The following ZNF488 variants were observed in gnomAD, a reference collection of about 807,000 sequenced individuals.
ZNF488 encodes zinc finger protein 488.
A neutral mutation model predicts 1.2 loss-of-function variants in ZNF488; 1 was observed. The observed-to-expected ratio is 0.86, with a 90% CI of 0.30 to 4.07. The LOEUF (loss-of-function observed/expected upper bound fraction) is 4.07. Ranked by LOEUF, ZNF488 falls within the 30% of genes most tolerant of loss-of-function variation. The pLI is 0.18. For missense variants in ZNF488, 450 were observed against 437.9 expected (o/e 1.03, Z -0.25); for synonymous variants, 185 against 190.1 (o/e 0.97, Z 0.22).
intron 1 of ZNF488, among the ~76,000 whole-genome samples, chr10:47,378,823 A>C (rs1555214724): frequency 6.6e-6 from 1 of 152,186 alleles, no homozygotes; most frequent in East Asian, 1.9e-4. Context: ...GACTTCATGA[A>C]GAGGACGCAA....
Position 47,377,600 on chromosome 10 carries a change from T to TCA in ZNF488, c.-109+6618_-109+6619dup, listed in dbSNP as rs66911760. Among the ~76,000 whole-genome samples, 1,091 of 114,744 alleles carry TCA rather than the reference T, an allele frequency of 9.5e-3. 11 individuals are homozygous for TCA. Among genetic ancestry groups the TCA allele is most frequent in the Middle Eastern group, 0.019 (4 of 214 alleles). The allele number at this position is 114,744 out of a possible 152,430, so 75.3% of individuals were successfully genotyped here. ...CCCAGAGATGCCGGCAATAACAATC[T>TCA]CACACACACACACACACACACACAC... On this transcript the variant is annotated intron_variant, in intron 1 of 1. Coordinates refer to ENST00000585316, the MANE Select transcript of ZNF488 (RefSeq NM_153034.4).
chr10:47,369,711 C>T (rs782527523), intron 1 of ZNF488, among the ~76,000 whole-genome samples: 1 of 152,154 alleles, frequency 6.6e-6, no homozygotes, highest in Non-Finnish European at 1.5e-5. Context: ...TCATTCCCAT[C>T]GTACCTGTGA....
rs1837298807 is a variant in ZNF488 at position 47,368,175 on chromosome 10, T to C, written c.655A>G (p.Asn219Asp). The change falls in exon 2 of 2, where the codon AAC becomes GAC. Residue 219 changes from asparagine to aspartate, a missense_variant. Physicochemically the swap from Asn to Asp is conservative, Grantham distance 23. Transcript: ENST00000585316. Reference protein sequence around the residue: ...TPKLLVGDLWNLQALPQNAPL... With the variant: ...TPKLLVGDLWDLQALPQNAPL... ...GCATTCTGTGGCAATGCTTGCAAGT[T>C]CCACAAATCACCAACCAAAAGCTTG... The C allele has an allele frequency of 1.2e-6, 2 of 1,614,008 alleles. No individual in the cohort carries two copies. Among genetic ancestry groups the C allele is most frequent in the Non-Finnish European group, 1.7e-6 (2 of 1,180,026 alleles).
intron 1 of ZNF488, among the ~76,000 whole-genome samples, chr10:47,372,353 G>A (rs1171471787): frequency 2.0e-5 from 3 of 152,152 alleles, no homozygotes; most frequent in Non-Finnish European, 2.9e-5. Context: ...TGAAATGTGG[G>A]GACAAAGAGC....
chr10:47,379,274 T>G (rs1026172612), intron 1 of ZNF488, among the ~76,000 whole-genome samples: 27 of 152,342 alleles, frequency 1.8e-4, no homozygotes, highest in African/African-American at 5.3e-4. Context: ...GCTATGTGTC[T>G]CAATTCAGAT....
At chr10:47,376,877 T>C (rs1444859256) in intron 1 of ZNF488, among the ~76,000 whole-genome samples, 2 of 152,236 alleles carry the variant, frequency 1.3e-5, no homozygotes, top group Admixed American at 6.5e-5. Context: ...TCTACCCTTG[T>C]GTGCAGACTT....
Position 47,368,289 on chromosome 10 carries a change from G to T in ZNF488, c.541C>A (p.Pro181Thr), listed in dbSNP as rs1555213210. Residue 181 changes from proline to threonine, a missense_variant, in exon 2 of 2, where the codon CCT (proline) becomes ACT (threonine). Physicochemically the swap from Pro to Thr is conservative, Grantham distance 38. Transcript: ENST00000585316. ...AERPELTSVF[P>T]AGESADALGE... Reference sequence around the variant, plus strand: ...AGGGCATCTGCAGATTCCCCTGCAGGGAAGACTGAGGTTAGCTCAGGCCTC... The same window carrying T: ...AGGGCATCTGCAGATTCCCCTGCAGTGAAGACTGAGGTTAGCTCAGGCCTC... 3 of 1,614,088 alleles carry T rather than the reference G, an allele frequency of 1.9e-6. No individual in the cohort carries two copies. Among genetic ancestry groups the T allele is most frequent in the Admixed American group, 1.7e-5 (1 of 60,014 alleles).
chr10:47,383,557 A>G (rs917599657), intron 1 of ZNF488, among the ~76,000 whole-genome samples: 12 of 152,372 alleles, frequency 7.9e-5, no homozygotes, highest in African/African-American at 2.2e-4. Flanking sequence ...AAAGGATTCA[A>G]TCAACCCCTT....
chr10:47,371,825 C>T (rs1837479993), intron 1 of ZNF488, among the ~76,000 whole-genome samples: 1 of 152,026 alleles, frequency 6.6e-6, no homozygotes. Flanking sequence ...GAGTCCTAGC[C>T]CCCACGCTGG....
intron 1 of ZNF488, among the ~76,000 whole-genome samples, chr10:47,370,724 G>C (rs1171451106): frequency 6.6e-6 from 1 of 152,186 alleles, no homozygotes; most frequent in Non-Finnish European, 1.5e-5. Context: ...GTGCAGCCTC[G>C]GACAGTGATG....
chr10:47,379,120 C>T (rs1358100826), intron 1 of ZNF488, among the ~76,000 whole-genome samples: 3 of 152,232 alleles, frequency 2.0e-5, no homozygotes, highest in African/African-American at 4.8e-5. Context: ...CAGGATGGAA[C>T]ATTTGCTATC....
intron 1 of ZNF488, among the ~76,000 whole-genome samples, chr10:47,371,305 A>G (rs980004729): frequency 1.3e-5 from 2 of 152,214 alleles, no homozygotes; most frequent in African/African-American, 2.4e-5. Context: ...ATGGGAAAAA[A>G]AAGCTTATAA....
At chr10:47,370,975 T>C (rs1565780467) in intron 1 of ZNF488, among the ~76,000 whole-genome samples, 1 of 152,124 alleles carries the variant, frequency 6.6e-6, no homozygotes, top group African/African-American at 2.4e-5. Flanking sequence ...GTAGTGACAG[T>C]GGTGATGAGG....
At chr10:47,381,998 AGGGACTGAATTAGCCCT>A (rs1398199395) in intron 1 of ZNF488, among the ~76,000 whole-genome samples, 2 of 138,192 alleles carry the variant, frequency 1.4e-5, no homozygotes, top group African/African-American at 5.3e-5. Flanking sequence ...AGTCACATAA[AGGGACTGAATTAGCCCT>A]GGTCACTCAG....
chr10:47,377,517 C>A lies in ZNF488; in HGVS notation c.-109+6703G>T, dbSNP rs74347968. 6.6e-3 allele frequency among the ~76,000 whole-genome samples: 1,006 copies of A among 152,110 alleles called. 19 individuals are homozygous for A. The highest frequency in any genetic ancestry group is 0.023 in the African/African-American group (948 of 41,470). ...AGCTCAGAGCACTATACCTCCAGGACTCTCTCACAGAACAATAACAATCAA... is the reference window on the plus strand; with the variant it reads ...AGCTCAGAGCACTATACCTCCAGGAATCTCTCACAGAACAATAACAATCAA... On this transcript the variant is annotated intron_variant, in intron 1 of 1. Coordinates refer to ENST00000585316, the MANE Select transcript of ZNF488 (RefSeq NM_153034.4).
chr10:47,374,199 G>T (rs1191524743), intron 1 of ZNF488, among the ~76,000 whole-genome samples: 7 of 152,176 alleles, frequency 4.6e-5, no homozygotes, highest in Non-Finnish European at 1.0e-4. Flanking sequence ...ATACTATAAG[G>T]CGCCGAGTGA....
intron 1 of ZNF488, among the ~76,000 whole-genome samples, chr10:47,376,720 G>A (rs1837694279): frequency 6.6e-6 from 1 of 152,298 alleles, no homozygotes; most frequent in South Asian, 2.1e-4. Context: ...CAGCAGAATG[G>A]GGGCTCAAGC....
At chr10:47,377,632 ACAC>A (rs1837728802) in intron 1 of ZNF488, among the ~76,000 whole-genome samples, 2 of 147,124 alleles carry the variant, frequency 1.4e-5, no homozygotes, top group African/African-American at 2.5e-5. Context: ...ACACACACAC[ACAC>A]ACATGGCTGC....
intron 1 of ZNF488, among the ~76,000 whole-genome samples, chr10:47,369,374 C>A (rs1555213581): frequency 2.0e-5 from 3 of 152,206 alleles, no homozygotes; most frequent in Non-Finnish European, 4.4e-5. Flanking sequence ...GGAAGCCATG[C>A]ACCCTCAGCC....
Sources: allele counts gnomAD v4.1 joint callset (sites outside exome capture counted in the v4.1 genomes callset), GRCh38; gene constraint gnomAD v4.1.1; transcripts MANE v1.5; gene names NCBI Gene and HGNC (gene_info 2026-07-23, HGNC 2026-07-21).